CADM2: variants seen among roughly 807,000 people sequenced by gnomAD.
CADM2 encodes the protein immunoglobulin superfamily member 4D.
In CADM2, 12 loss-of-function variants were observed where a neutral mutation model predicts 49.8. The ratio of observed to expected loss-of-function variants is 0.24; its 90% confidence interval spans 0.15 to 0.39. The LOEUF (loss-of-function observed/expected upper bound fraction) is 0.39, where lower values mean the gene tolerates loss of function less well. CADM2 is among the 10% of genes least tolerant of loss of function. The pLI, the probability that CADM2 is intolerant of heterozygous loss-of-function variation, is 1.00. For missense variants in CADM2, 378 were observed against 492.3 expected, an observed-to-expected ratio of 0.77 and a Z score of 2.20; for synonymous variants, 214 against 175.4, an observed-to-expected ratio of 1.22 and a Z score of -1.74.
At chr3:85,498,569 C>A (rs1281303353) in intron 1 of CADM2, among the ~76,000 whole-genome samples, 1 of 152,100 alleles carries the variant, frequency 6.6e-6, no homozygotes, top group African/African-American at 2.4e-5. Flanking sequence ...AGGTTGAAAA[C>A]CGATGTCTGA....
At position 85,133,861 on chromosome 3, in the gene CADM2, C is replaced by T. The variant is rs1024730300; in HGVS notation, c.61+174193C>T. Among the ~76,000 whole-genome samples, 3 of 152,246 alleles carry T rather than the reference C, an allele frequency of 2.0e-5. No individual in the cohort carries two copies. In the South Asian group the frequency reaches 6.2e-4, roughly 31 times the overall value. On this transcript the variant is annotated intron_variant, in intron 1 of 9. Coordinates refer to ENST00000383699, the MANE Select transcript of CADM2 (RefSeq NM_001167675.2). ...CTGCCAGTCCCGCGCCGTGCGCCCG[C>T]GCTCCTCAGCCCTTGGGTGGTCGAT... is the stretch of plus-strand genomic sequence containing the variant.
At chr3:85,685,744 C>T (rs1294008896) in intron 1 of CADM2, among the ~76,000 whole-genome samples, 1 of 151,752 alleles carries the variant, frequency 6.6e-6, no homozygotes, top group African/African-American at 2.4e-5. Flanking sequence ...CTTCCTCAGC[C>T]TCCTGAGTCT....
At chr3:85,017,729 TTC>T (rs1482749607) in intron 1 of CADM2, among the ~76,000 whole-genome samples, 30 of 152,188 alleles carry the variant, frequency 2.0e-4, no homozygotes, top group African/African-American at 7.0e-4. Flanking sequence ...CATAATACAT[TTC>T]TCTGTAAACT....
chr3:85,939,977 A>T (rs1171703129), intron 7 of CADM2, among the ~76,000 whole-genome samples: 1 of 149,270 alleles, frequency 6.7e-6, no homozygotes, highest in African/African-American at 2.5e-5. Context: ...ATATGTATAT[A>T]TTAATGTATT....
At chr3:85,863,823 A>G (rs1370228848) in intron 3 of CADM2, among the ~76,000 whole-genome samples, 1 of 152,236 alleles carries the variant, frequency 6.6e-6, no homozygotes, top group East Asian at 1.9e-4. Context: ...AAGCCAAATA[A>G]AATCAGAAAA....
intron 1 of CADM2, among the ~76,000 whole-genome samples, chr3:85,581,106 C>A: frequency 6.6e-6 from 1 of 152,060 alleles, no homozygotes; most frequent in East Asian, 1.9e-4. Flanking sequence ...TTACTCTGCA[C>A]ACTATGTTTA....
Position 86,072,722 on chromosome 3 carries a change from T to TA in CADM2, c.*5940dup, listed in dbSNP as rs1311677845. 6.6e-6 allele frequency: 1 copy of TA among 152,104 alleles called. No homozygotes were observed. The highest frequency in any genetic ancestry group is 1.5e-5 in the Non-Finnish European group (1 of 67,964). 9.4% of individuals were successfully genotyped at this position (152,104 alleles called of 1,614,324 possible). ...TTATATTTACTGATAGTGAAAATCA[T>TA]ACGCAATAAAATATTGATGTTTGAA... On this transcript the variant is annotated 3_prime_UTR_variant, in exon 10 of 10. Coordinates refer to ENST00000383699, the MANE Select transcript of CADM2 (RefSeq NM_001167675.2).
intron 1 of CADM2, among the ~76,000 whole-genome samples, chr3:85,648,276 G>T (rs990414677): frequency 6.6e-6 from 1 of 151,816 alleles, no homozygotes; most frequent in Non-Finnish European, 1.5e-5. Context: ...CAAATAAATG[G>T]TGATTATTAA....
intron 2 of CADM2, among the ~76,000 whole-genome samples, chr3:85,775,732 A>G (rs2070328871): frequency 6.6e-6 from 1 of 151,846 alleles, no homozygotes; most frequent in Non-Finnish European, 1.5e-5. Context: ...TCAGTTATAT[A>G]CAATCTGATA....
chr3:85,946,221 A>G (rs1236384479), intron 7 of CADM2, among the ~76,000 whole-genome samples: 3 of 151,866 alleles, frequency 2.0e-5, no homozygotes, highest in Non-Finnish European at 4.4e-5. Flanking sequence ...CCAACTTACA[A>G]GGGATGTGAA....
chr3:85,059,473 C>A (rs1559639614), intron 1 of CADM2, among the ~76,000 whole-genome samples: 2 of 151,918 alleles, frequency 1.3e-5, no homozygotes, highest in Non-Finnish European at 2.9e-5. Context: ...TAAGAGTAGA[C>A]AAGTAAATCA....
chr3:85,045,545 G>T (rs1403182263), intron 1 of CADM2, among the ~76,000 whole-genome samples: 1 of 152,042 alleles, frequency 6.6e-6, no homozygotes, highest in Non-Finnish European at 1.5e-5. Context: ...CTCAGGGTTG[G>T]ATAGATTTTG....
At chr3:85,573,980 C>T (rs898125437) in intron 1 of CADM2, among the ~76,000 whole-genome samples, 11 of 152,098 alleles carry the variant, frequency 7.2e-5, no homozygotes, top group Non-Finnish European at 1.6e-4. Context: ...CAGCTGTCCA[C>T]GATACTGACT....
At chr3:85,308,341 A>AC (rs1491120661) in intron 1 of CADM2, among the ~76,000 whole-genome samples, 4 of 146,360 alleles carry the variant, frequency 2.7e-5, no homozygotes, top group South Asian at 2.1e-4. Context: ...ACACACACAC[A>AC]ACACTCCATG....
At chr3:85,968,108 G>A (rs1725685152) in intron 8 of CADM2, among the ~76,000 whole-genome samples, 1 of 151,606 alleles carries the variant, frequency 6.6e-6, no homozygotes, top group Non-Finnish European at 1.5e-5. Context: ...TATGGTTGCT[G>A]CTCTCATCTC....
intron 1 of CADM2, among the ~76,000 whole-genome samples, chr3:85,332,918 T>A (rs2044972016): frequency 6.6e-6 from 1 of 151,918 alleles, no homozygotes; most frequent in Admixed American, 6.6e-5. Flanking sequence ...ACAGGATGAA[T>A]TAATAATAGA....
At chr3:85,430,538 G>A (rs746652702) in intron 1 of CADM2, among the ~76,000 whole-genome samples, 2 of 148,708 alleles carry the variant, frequency 1.3e-5, no homozygotes, top group Non-Finnish European at 3.0e-5. Context: ...AATAATATTG[G>A]AAGTGGAGGC....
At chr3:85,240,658 G>A (rs1176578281) in intron 1 of CADM2, among the ~76,000 whole-genome samples, 2 of 151,250 alleles carry the variant, frequency 1.3e-5, no homozygotes, top group Non-Finnish European at 1.5e-5. Context: ...TCAAAATCCT[G>A]TTTATTTTCT....
intron 1 of CADM2, among the ~76,000 whole-genome samples, chr3:85,046,429 T>C (rs939024676): frequency 2.0e-5 from 3 of 151,436 alleles, no homozygotes; most frequent in African/African-American, 4.9e-5. Flanking sequence ...GGGTCAATTA[T>C]AGTTTTTGGT....
Sources: allele counts gnomAD v4.1 joint callset (sites outside exome capture counted in the v4.1 genomes callset), GRCh38; gene constraint gnomAD v4.1.1; transcripts MANE v1.5; gene names NCBI Gene and HGNC (gene_info 2026-07-23, HGNC 2026-07-21).